Variants in TMEM163 observed in about 807,000 individuals in gnomAD.
TMEM163 encodes the protein transmembrane protein 163.
A neutral mutation model predicts 29.3 loss-of-function variants in TMEM163; 17 were observed. The ratio of observed to expected loss-of-function variants is 0.58; its 90% CI spans 0.40 to 0.87. The LOEUF (loss-of-function observed/expected upper bound fraction) is 0.87, where lower values mean the gene tolerates loss of function less well. Among genes scored for constraint, TMEM163 ranks in the 40% least tolerant of loss-of-function variants. The pLI is 0.00. For synonymous variants in TMEM163, 157 were observed against 160.6 expected (o/e 0.98, Z 0.17); for missense variants, 303 against 381.5 (o/e 0.79, Z 1.71).
chr2:134,534,053 TC>T (rs1680475269), intron 4 of TMEM163, among the ~76,000 whole-genome samples: 1 of 152,106 alleles, frequency 6.6e-6, no homozygotes. Flanking sequence ...TGCAGTCACT[TC>T]CCTGCCCATC....
At chr2:134,649,859 A>G (rs1407561467) in intron 2 of TMEM163, among the ~76,000 whole-genome samples, 1 of 152,008 alleles carries the variant, frequency 6.6e-6, no homozygotes, top group Middle Eastern at 3.2e-3. Context: ...ACAAAAAATT[A>G]GCCAGGCATG....
intron 4 of TMEM163, 116 bp from the exon 5 acceptor site, chr2:134,503,113 A>C: frequency 9.6e-7 from 1 of 1,043,104 alleles, no homozygotes; most frequent in Non-Finnish European, 1.4e-6. Flanking sequence ...GTAATTTGCC[A>C]CACCCCCAGG....
chr2:134,511,527 C>T (rs770779022), intron 4 of TMEM163, among the ~76,000 whole-genome samples: 23 of 152,244 alleles, frequency 1.5e-4, no homozygotes, highest in African/African-American at 5.1e-4. Context: ...TGGGTGGAAG[C>T]GGGGAGACCA....
At chr2:134,678,063 C>T (rs1378138597) in intron 2 of TMEM163, among the ~76,000 whole-genome samples, 1 of 152,216 alleles carries the variant, frequency 6.6e-6, no homozygotes, top group African/African-American at 2.4e-5. Flanking sequence ...TTTCCGGTCT[C>T]AGGGAAGCAG....
chr2:134,533,747 C>T (rs1680467343), intron 4 of TMEM163, among the ~76,000 whole-genome samples: 1 of 152,114 alleles, frequency 6.6e-6, no homozygotes, highest in African/African-American at 2.4e-5. Context: ...AACTTCCTCC[C>T]CAGGCTCCCG....
chr2:134,527,816 T>G (rs1680329687), intron 4 of TMEM163, among the ~76,000 whole-genome samples: 1 of 152,164 alleles, frequency 6.6e-6, no homozygotes, highest in Admixed American at 6.6e-5. Context: ...ACGAAAATAA[T>G]TAGCCAAAGA....
At chr2:134,714,791 A>T (rs1685002491) in intron 1 of TMEM163, among the ~76,000 whole-genome samples, 1 of 152,220 alleles carries the variant, frequency 6.6e-6, no homozygotes, top group Non-Finnish European at 1.5e-5. Context: ...GAGGGAAAAA[A>T]TAAATACCTT....
chr2:134,693,678 C>T (rs1265564931), intron 2 of TMEM163, among the ~76,000 whole-genome samples: 1 of 149,924 alleles, frequency 6.7e-6, no homozygotes, highest in Non-Finnish European at 1.5e-5. Flanking sequence ...AACAAATCAA[C>T]CTTGACCTGC....
chr2:134,471,599 A>C (rs1686804320), intron 5 of TMEM163, among the ~76,000 whole-genome samples: 1 of 152,200 alleles, frequency 6.6e-6, no homozygotes, highest in Non-Finnish European at 1.5e-5. Flanking sequence ...ACAGTCTCTA[A>C]GTTTAATAAA....
chr2:134,660,472 G>T (rs565860091), intron 2 of TMEM163, among the ~76,000 whole-genome samples: 2 of 152,186 alleles, frequency 1.3e-5, no homozygotes, highest in Non-Finnish European at 2.9e-5. Context: ...TAAGAAAAAG[G>T]TAAATCAAGA....
intron 2 of TMEM163, among the ~76,000 whole-genome samples, chr2:134,633,861 C>T (rs923532891): frequency 6.6e-6 from 1 of 150,568 alleles, no homozygotes; most frequent in Non-Finnish European, 1.5e-5. Flanking sequence ...ACTCGGGAGG[C>T]TGAGGTGGGA....
chr2:134,516,931 G>A (rs1336345118), intron 4 of TMEM163, among the ~76,000 whole-genome samples: 2 of 151,956 alleles, frequency 1.3e-5, no homozygotes, highest in Non-Finnish European at 2.9e-5. Context: ...AGAGGCAAAC[G>A]TGAAGGGAGG....
At chr2:134,637,000 G>C (rs566776648) in intron 2 of TMEM163, among the ~76,000 whole-genome samples, 5 of 152,276 alleles carry the variant, frequency 3.3e-5, no homozygotes, top group African/African-American at 1.2e-4. Context: ...TAAAAACTCT[G>C]ATCCCTGAAT....
chr2:134,457,118 A>C (rs1686415543), intron 7 of TMEM163, among the ~76,000 whole-genome samples: 1 of 152,234 alleles, frequency 6.6e-6, no homozygotes, highest in African/African-American at 2.4e-5. Context: ...AGCGAGTATT[A>C]GCACTTCATT....
At chr2:134,458,277 G>T in intron 6 of TMEM163, 104 bp from the exon 7 acceptor site, 2 of 1,403,088 alleles carry the variant, frequency 1.4e-6, no homozygotes, top group South Asian at 2.6e-5. Context: ...GTGCTGGGAG[G>T]AATGATGCCC....
intron 2 of TMEM163, among the ~76,000 whole-genome samples, chr2:134,659,311 A>C (rs983137178): frequency 6.6e-6 from 1 of 152,216 alleles, no homozygotes; most frequent in Non-Finnish European, 1.5e-5. Flanking sequence ...ATTATGCAGC[A>C]CACAACTGTA....
chr2:134,515,061 A>T (rs1680029130), intron 4 of TMEM163, among the ~76,000 whole-genome samples: 1 of 152,220 alleles, frequency 6.6e-6, no homozygotes, highest in Admixed American at 6.5e-5. Context: ...CTTGAAAGGG[A>T]CGCATCTTAT....
chr2:134,691,616 G>A (rs1011285436), intron 2 of TMEM163, among the ~76,000 whole-genome samples: 21 of 152,128 alleles, frequency 1.4e-4, no homozygotes, highest in Non-Finnish European at 2.6e-4. Context: ...CCTAGGTGCC[G>A]CCAGGCTTCT....
intron 2 of TMEM163, among the ~76,000 whole-genome samples, chr2:134,603,756 C>G (rs1170546894): frequency 1.3e-5 from 2 of 150,224 alleles, no homozygotes; most frequent in Middle Eastern, 3.2e-3. Context: ...TCTCCTTGGA[C>G]CAGCAATGAC....
Sources: allele counts gnomAD v4.1 joint callset (sites outside exome capture counted in the v4.1 genomes callset), GRCh38; gene constraint gnomAD v4.1.1; transcripts MANE v1.5; gene names NCBI Gene and HGNC (gene_info 2026-07-23, HGNC 2026-07-21).